The following TBC1D30 variants were observed in gnomAD, a reference collection of about 807,000 sequenced individuals.
TBC1D30 encodes the protein TBC1 domain family, member 30.
TBC1D30 carries 31 observed loss-of-function variants against 63.2 expected under a neutral mutation model. That is an observed-to-expected ratio of 0.49 (90% CI 0.37 to 0.66). TBC1D30 has a LOEUF of 0.66. Among genes scored for constraint, TBC1D30 ranks in the 30% least tolerant of loss-of-function variants. The pLI is 0.00. For synonymous variants in TBC1D30, 307 were observed against 361.5 expected (o/e 0.85, Z 1.71); for missense variants, 810 against 953.6 (o/e 0.85, Z 1.98).
intron 8 of TBC1D30, among the ~76,000 whole-genome samples, chr12:64,857,975 G>A (rs1478838356): frequency 6.6e-6 from 1 of 152,206 alleles, no homozygotes; most frequent in Non-Finnish European, 1.5e-5. Context: ...CCAGGGGATT[G>A]GGGAGGGGTG....
chr12:64,787,375 T>G, intron 2 of TBC1D30: 1 of 985,528 alleles, frequency 1.0e-6, no homozygotes, highest in Non-Finnish European at 1.2e-6. Context: ...CAGAACAGTA[T>G]GCTCAGGTAT....
At chr12:64,793,305 T>C (rs183135430) in intron 2 of TBC1D30, among the ~76,000 whole-genome samples, 116 of 151,572 alleles carry the variant, frequency 7.7e-4, no homozygotes, top group Non-Finnish European at 1.5e-3. Flanking sequence ...ATTGTGCCAC[T>C]ACCCTCCCAC....
At chr12:64,809,400 C>A (rs565346743) in intron 2 of TBC1D30, among the ~76,000 whole-genome samples, 3 of 152,308 alleles carry the variant, frequency 2.0e-5, no homozygotes, top group African/African-American at 7.2e-5. Flanking sequence ...GTCTCCAGCT[C>A]CATCCAGGTT....
In TBC1D30 at chr12:64,880,483, A is replaced by C. The variant is rs1382059690; in HGVS notation, c.*4695A>C. On this transcript the variant is annotated 3_prime_UTR_variant, in exon 12 of 12. Coordinates refer to ENST00000539867, the MANE Select transcript of TBC1D30 (RefSeq NM_015279.2). ...CCCTCTTCCTGGTTTGCAGATGGCT[A>C]CCTTCTCACTGTGTCCTCACACAAT... is the stretch of plus-strand genomic sequence containing the variant. 2 of 152,332 alleles carry C rather than the reference A, an allele frequency of 1.3e-5. No individual in the cohort carries two copies. Among genetic ancestry groups the C allele is most frequent in the East Asian group, 3.9e-4 (2 of 5,190 alleles). The allele number at this position is 152,332 out of a possible 1,614,324, so 9.4% of individuals were successfully genotyped here.
intron 7 of TBC1D30, 64 bp downstream of exon 7, chr12:64,838,915 C>G: frequency 7.1e-7 from 1 of 1,414,694 alleles, no homozygotes; most frequent in Non-Finnish European, 9.5e-7. Context: ...TTTTTGTGCT[C>G]TAACGTGTAA....
intron 8 of TBC1D30, among the ~76,000 whole-genome samples, chr12:64,863,426 A>T (rs969850167): frequency 2.0e-5 from 3 of 152,100 alleles, no homozygotes; most frequent in African/African-American, 7.2e-5. Context: ...TTGTTAGTAA[A>T]CCTGTACTCC....
intron 8 of TBC1D30, among the ~76,000 whole-genome samples, chr12:64,855,370 C>G (rs770051266): frequency 9.9e-5 from 15 of 152,064 alleles, no homozygotes. Flanking sequence ...ATGTACTTCT[C>G]TTGGTTTGGG....
chr12:64,865,930 T>C (rs962953461), intron 9 of TBC1D30, among the ~76,000 whole-genome samples: 4 of 152,134 alleles, frequency 2.6e-5, no homozygotes, highest in Admixed American at 2.6e-4. Flanking sequence ...TGTGCAGTGG[T>C]ACAATCATGG....
intron 2 of TBC1D30, among the ~76,000 whole-genome samples, chr12:64,828,195 C>T (rs965387703): frequency 8.5e-5 from 13 of 152,128 alleles, no homozygotes. Context: ...GCTTATTAAC[C>T]AGAGCTTCCC....
At chr12:64,804,856 G>A (rs1403608757) in intron 2 of TBC1D30, among the ~76,000 whole-genome samples, 2 of 152,018 alleles carry the variant, frequency 1.3e-5, no homozygotes, top group Non-Finnish European at 1.5e-5. Context: ...GTGATGTGGG[G>A]AGGTTTGTAG....
chr12:64,774,629 G>A (rs1871012295), intron 1 of TBC1D30, among the ~76,000 whole-genome samples: 1 of 152,134 alleles, frequency 6.6e-6, no homozygotes, highest in Non-Finnish European at 1.5e-5. Context: ...GAGATTGGGG[G>A]CCAACACTCA....
intron 2 of TBC1D30, among the ~76,000 whole-genome samples, chr12:64,790,534 A>G (rs1871857507): frequency 6.6e-6 from 1 of 152,200 alleles, no homozygotes; most frequent in Admixed American, 6.5e-5. Flanking sequence ...GATAAAATCT[A>G]GCTGTCACTT....
Position 64,875,987 on chromosome 12 carries a change from A to G in TBC1D30, c.*199A>G, listed in dbSNP as rs896978240. On this transcript the variant is annotated 3_prime_UTR_variant, in exon 12 of 12. Transcript: ENST00000539867. Reference sequence around the variant, plus strand: ...TGTTTTCCCAGCTACTTGCTAACTGACGAAGTGGATTCTTGTGGCAAAATA... The same window carrying G: ...TGTTTTCCCAGCTACTTGCTAACTGGCGAAGTGGATTCTTGTGGCAAAATA... 1.9e-6 allele frequency: 1 copy of G among 527,396 alleles called. No homozygotes were observed. Among genetic ancestry groups the G allele is most frequent in the Non-Finnish European group, 3.2e-6 (1 of 311,488 alleles). The allele number at this position is 527,396 out of a possible 1,614,324, so 32.7% of individuals were successfully genotyped here.
intron 2 of TBC1D30, among the ~76,000 whole-genome samples, chr12:64,798,427 C>T (rs1872404555): frequency 1.3e-5 from 2 of 152,100 alleles, no homozygotes; most frequent in African/African-American, 2.4e-5. Context: ...CTTGACATTC[C>T]AATGAGTCTT....
chr12:64,801,208 T>A (rs1243390190), intron 2 of TBC1D30, among the ~76,000 whole-genome samples: 1 of 152,230 alleles, frequency 6.6e-6, no homozygotes, highest in Non-Finnish European at 1.5e-5. Context: ...ATTCATCTTC[T>A]TTTTCTCAGC....
At position 64,870,470 on chromosome 12, in the gene TBC1D30, T is replaced by A. The variant is rs1592663182; in HGVS notation, c.1292-132T>A. ...AAAATAAGCACTAGACAAACTCTAGTATGCGTTTTTTTCTGTGGTTTAGAA... is the reference window on the plus strand; with the variant it reads ...AAAATAAGCACTAGACAAACTCTAGAATGCGTTTTTTTCTGTGGTTTAGAA... On this transcript the variant is annotated intron_variant, in intron 10 of 11. Coordinates refer to ENST00000539867, the MANE Select transcript of TBC1D30 (RefSeq NM_015279.2). 20 of 683,016 alleles carry A rather than the reference T, an allele frequency of 2.9e-5. 1 individual carries two copies. The East Asian group carries it at 5.4e-4, about 19-fold the overall frequency. The allele number at this position is 683,016 out of a possible 1,614,324, so 42.3% of individuals were successfully genotyped here. A position where few individuals can be genotyped will look rare whatever the true frequency, so the allele number is the denominator to read the frequency against.
intron 1 of TBC1D30, among the ~76,000 whole-genome samples, chr12:64,765,490 CAAA>C (rs60489979): frequency 4.5e-4 from 8 of 17,604 alleles, no homozygotes; most frequent in African/African-American, 1.2e-3. Flanking sequence ...AGACTGTCTC[CAAA>C]AAAAAAAAAA....
chr12:64,850,072 TTGTC>T (rs1288080958), intron 8 of TBC1D30, among the ~76,000 whole-genome samples: 2 of 152,326 alleles, frequency 1.3e-5, no homozygotes, highest in East Asian at 1.9e-4. Context: ...GGCTCTCTGT[TTGTC>T]TGTTACTGGT....
chr12:64,861,164 G>C (rs562108295), intron 8 of TBC1D30, among the ~76,000 whole-genome samples: 13 of 152,194 alleles, frequency 8.5e-5, no homozygotes, highest in Non-Finnish European at 7.3e-5. Context: ...AAACATCTGC[G>C]TGAAGATGAA....
Sources: gnomAD v4.1 joint callset for allele counts (sites outside exome capture counted in the v4.1 genomes callset) on GRCh38, gnomAD v4.1.1 for gene constraint, MANE v1.5 for transcripts, NCBI Gene and HGNC (gene_info 2026-07-23, HGNC 2026-07-21) for gene names.